TTN: variants seen among roughly 807,000 people sequenced by gnomAD.
The protein encoded by TTN is connectin.
TTN carries 1,525 observed loss-of-function variants against 3,223.0 expected under a neutral mutation model. That is an observed-to-expected ratio of 0.47 (90% CI 0.45 to 0.49). TTN has a LOEUF of 0.49. Among genes scored for constraint, TTN ranks in the 20% least tolerant of loss-of-function variants. The pLI is 0.00. For synonymous variants in TTN, 14,094 were observed against 15,161.0 expected, an observed-to-expected ratio of 0.93 and a Z score of 5.17; for missense variants, 40,786 against 43,424.0, an observed-to-expected ratio of 0.94 and a Z score of 5.40.
At position 178,667,545 on chromosome 2, in the gene TTN, G is replaced by A; in HGVS notation, c.35630-20C>T. 1.3e-6 allele frequency: 2 copies of A among 1,585,580 alleles called. No homozygotes were observed. The highest frequency in any genetic ancestry group is 1.7e-6 in the Non-Finnish European group (2 of 1,173,728). On this transcript the variant is annotated intron_variant, in intron 160 of 362. Coordinates refer to ENST00000589042, the MANE Select transcript of TTN (RefSeq NM_001267550.2). ...CAGGCACTTAAAAGATATGAGTATAGTTATATTTATAAATGGTGAAGAAAA... is the reference window on the plus strand; with the variant it reads ...CAGGCACTTAAAAGATATGAGTATAATTATATTTATAAATGGTGAAGAAAA...
intron 46 of TTN, among the ~76,000 whole-genome samples, chr2:178,755,682 G>A (rs2086731608): frequency 1.3e-5 from 2 of 152,150 alleles, no homozygotes; most frequent in African/African-American, 4.8e-5. Flanking sequence ...GACCTCAAGT[G>A]ATCTGGCTGC....
intron 173 of TTN, 23 bp downstream of exon 173, chr2:178,663,243 A>G: frequency 1.3e-6 from 2 of 1,539,540 alleles, no homozygotes; most frequent in Admixed American, 2.0e-5. Flanking sequence ...TTTCTCCTAT[A>G]GTTTGTATAG....
Position 178,724,823 on chromosome 2 carries a change from C to T in TTN, c.20837-285G>A, listed in dbSNP as rs578196095. The T allele has an allele frequency of 9.4e-4, 260 of 276,988 alleles. 3 individuals carry two copies. Among genetic ancestry groups the T allele is most frequent in the African/African-American group, 4.9e-3 (225 of 45,700 alleles). 17.2% of individuals were successfully genotyped at this position (276,988 alleles called of 1,614,324 possible). On this transcript the variant is annotated intron_variant, in intron 71 of 362. Coordinates refer to ENST00000589042, the MANE Select transcript of TTN (RefSeq NM_001267550.2). ...TTAAGAAATATATGTTCGTGCATGA[C>T]TCAACTTCAAAACAATTTAAACAAT...
At chr2:178,650,389 T>C (rs1197265892) in intron 209 of TTN, 118 bp from the exon 210 acceptor site, 9 of 1,007,628 alleles carry the variant, frequency 8.9e-6, no homozygotes, top group Non-Finnish European at 1.1e-5. Context: ...TGATACCTTC[T>C]CTTATTTTTG....
chr2:178,629,012 A>G (rs2154219245), intron 240 of TTN, among the ~76,000 whole-genome samples: 1 of 152,254 alleles, frequency 6.6e-6, no homozygotes, highest in South Asian at 2.1e-4. Flanking sequence ...CTTCTGGTTA[A>G]TCAAACTATC....
In TTN at chr2:178,542,769, G is replaced by A. The variant is rs773773028; in HGVS notation, c.97085C>T (p.Ala32362Val). The A allele has an allele frequency of 9.9e-6, 16 of 1,613,732 alleles. No homozygotes were observed. In the East Asian group the frequency reaches 3.1e-4, roughly 31 times the overall value. The part of the protein sequence containing the change: ...RVTVETHTKV[A>V]KLTIRETTIR... ...AGTGGTTTCACGGATGGTTAATTTA[G>A]CTACTTTAGTGTGAGTTTCAACTGT... Residue 32362 changes from alanine (A) to valine (V), a missense_variant, in exon 348 of 363, where the codon GCT becomes GTT. Transcript: ENST00000589042.
intron 349 of TTN, chr2:178,541,909 AGCAT>A (rs942083390): frequency 8.4e-6 from 2 of 236,946 alleles, no homozygotes; most frequent in Non-Finnish European, 1.6e-5. Flanking sequence ...ACATTTATTA[AGCAT>A]GCACTCTGTA....
In TTN at chr2:178,636,263, A is replaced by G. The variant is rs1011783574; in HGVS notation, c.41330-22T>C. On this transcript the variant is annotated intron_variant, in intron 225 of 362. Transcript: ENST00000589042. The surrounding 1 kb of genome is among the most constrained non-coding windows in gnomAD (Gnocchi z 4.3). ...AGTTCTATGGAGAATTTCAGTATATATTTCAATAAATACAATATTTTCAAT... is the reference window on the plus strand; with the variant it reads ...AGTTCTATGGAGAATTTCAGTATATGTTTCAATAAATACAATATTTTCAAT... 6.7e-7 allele frequency: 1 copy of G among 1,490,982 alleles called. No homozygotes were observed. Among genetic ancestry groups the G allele is most frequent in the Non-Finnish European group, 8.9e-7 (1 of 1,121,072 alleles). 92.4% of individuals were successfully genotyped at this position (1,490,982 alleles called of 1,614,324 possible).
At chr2:178,749,352 TGGGCTTGC>T (rs1561008477) in intron 47 of TTN, 65 of 1,612,966 alleles carry the variant, frequency 4.0e-5, no homozygotes, top group Non-Finnish European at 5.4e-5. Context: ...TCAGCCCTGA[TGGGCTTGC>T]TGATTTTTAT....
chr2:178,623,411 A>G (rs1213585079), intron 242 of TTN, among the ~76,000 whole-genome samples: 2 of 151,420 alleles, frequency 1.3e-5, no homozygotes, highest in Non-Finnish European at 2.9e-5. Flanking sequence ...GAATTAATTC[A>G]GCTGGTGTAT....
rs761102022 is a variant in TTN at position 178,694,641 on chromosome 2, G to T, written c.31384C>A (p.Pro10462Thr). 5 of 1,559,300 alleles carry T rather than the reference G, an allele frequency of 3.2e-6. No homozygotes were observed. Among genetic ancestry groups the T allele is most frequent in the South Asian group, 1.2e-5 (1 of 84,004 alleles). Residue 10462 changes from proline (P) to threonine (T), a missense_variant, in exon 117 of 363, where the codon CCT becomes ACT. Transcript: ENST00000589042. ...TCTTCCTGTACTGGAGTCCGGGAAG[G>T]TTTTTGTGGAACAATCTTCTTTGAA... is the stretch of plus-strand genomic sequence containing the variant. The part of the protein sequence containing the change: ...EVSKKIVPQK[P>T]SRTPVQEEVI...
At chr2:178,772,243 T>C (rs1465798633) in intron 33 of TTN, among the ~76,000 whole-genome samples, 1 of 152,212 alleles carries the variant, frequency 6.6e-6, no homozygotes, top group Non-Finnish European at 1.5e-5. Context: ...GTTTTACAAG[T>C]CTTTTCATGG....
At chr2:178,775,225 A>T in intron 28 of TTN, 23 bp from the exon 29 acceptor site, 1 of 1,613,638 alleles carries the variant, frequency 6.2e-7, no homozygotes, top group Non-Finnish European at 8.5e-7. Context: ...GGTGGGGGAA[A>T]AAGGGGAGAG....
Position 178,767,855 on chromosome 2 carries a change from C to G in TTN, c.9375G>C (p.Gly3125=), listed in dbSNP as rs1285257959. 6.2e-7 allele frequency: 1 copy of G among 1,614,014 alleles called. No individual in the cohort carries two copies. Among genetic ancestry groups the G allele is most frequent in the East Asian group, 2.2e-5 (1 of 44,878 alleles). Reference sequence around the variant, plus strand: ...TGCCTCCTGCCACCACTGTGTACTTCCCAGCATCAGACATCCGGGTGGATG... The same window carrying G: ...TGCCTCCTGCCACCACTGTGTACTTGCCAGCATCAGACATCCGGGTGGATG... The part of the protein sequence containing the change: ...LIPSTRMSDA[G]KYTVVAGGNV... The change falls in exon 40 of 363, where the codon GGG becomes GGC. Residue 3125 remains glycine (G), a synonymous_variant. Transcript: ENST00000589042.
chr2:178,611,246 A>C lies in TTN; in HGVS notation c.50883T>G (p.Thr16961=). 6.2e-7 allele frequency: 1 copy of C among 1,612,420 alleles called. No individual in the cohort carries two copies. The highest frequency in any genetic ancestry group is 8.5e-7 in the Non-Finnish European group (1 of 1,179,180). Reference sequence around the variant, plus strand: ...CACCTTCAATAACAATAATGTCATGAGTCTCCAGGTCAATTGTTGGCTTGC... The same window carrying C: ...CACCTTCAATAACAATAATGTCATGCGTCTCCAGGTCAATTGTTGGCTTGC... ...PDCKPTIDLE[T]HDIIVIEGEK... Residue 16961 remains threonine (T), a synonymous_variant, in exon 270 of 363, where the codon ACT becomes ACG. Coordinates refer to ENST00000589042, the MANE Select transcript of TTN (RefSeq NM_001267550.2).
chr2:178,715,878 G>A, intron 88 of TTN, 104 bp from the exon 89 acceptor site: 1 of 1,172,364 alleles, frequency 8.5e-7, no homozygotes, highest in Non-Finnish European at 1.2e-6. Flanking sequence ...CTTTAGCTCT[G>A]GAAAACAAAT....
chr2:178,764,269 G>A lies in TTN; in HGVS notation c.10022C>T (p.Pro3341Leu), dbSNP rs929811855. The A allele has an allele frequency of 5.0e-6, 8 of 1,613,894 alleles. No individual in the cohort carries two copies. The highest frequency in any genetic ancestry group is 3.3e-5 in the Admixed American group (2 of 59,974). Reference protein sequence around the residue: ...PEVVSPDQEMPVYPPAIITPL... With the variant: ...PEVVSPDQEMLVYPPAIITPL... ...GGTGATGATGGCAGGTGGATAAACAGGCATTTCCTGATCAGGAGACACAAC... is the reference window on the plus strand; with the variant it reads ...GGTGATGATGGCAGGTGGATAAACAAGCATTTCCTGATCAGGAGACACAAC... The change falls in exon 43 of 363, where the codon CCT (proline) becomes CTT (leucine). Residue 3341 changes from proline (P) to leucine (L), a missense_variant. Pro to Leu is a moderately conservative substitution (Grantham distance 98). Coordinates refer to ENST00000589042, the MANE Select transcript of TTN (RefSeq NM_001267550.2).
Position 178,571,719 on chromosome 2 carries a change from C to T in TTN, c.74413G>A (p.Val24805Ile), listed in dbSNP as rs371306826. Residue 24805 changes from valine to isoleucine, a missense_variant, in exon 326 of 363, where the codon GTT (valine) becomes ATT (isoleucine). Val to Ile is a conservative substitution (Grantham distance 29). Transcript: ENST00000589042. Reference sequence around the variant, plus strand: ...GTTGGAGGCCCTGGTTTGTCAAGAACGATAACATTAAGGGTTTCAATAGCT... The same window carrying T: ...GTTGGAGGCCCTGGTTTGTCAAGAATGATAACATTAAGGGTTTCAATAGCT... ...GEAIETLNVI[V>I]LDKPGPPTGP... 2.9e-5 allele frequency: 47 copies of T among 1,613,284 alleles called. No homozygotes were observed. The highest frequency in any genetic ancestry group is 9.9e-5 in the South Asian group (9 of 91,058).
Position 178,637,410 on chromosome 2 carries a change from G to T in TTN, c.40886C>A (p.Ala13629Glu). 6.8e-7 allele frequency: 1 copy of T among 1,474,408 alleles called. No homozygotes were observed. Among genetic ancestry groups the T allele is most frequent in the South Asian group, 1.5e-5 (1 of 65,004 alleles). The allele number at this position is 1,474,408 out of a possible 1,614,324, so 91.3% of individuals were successfully genotyped here. A position where few individuals can be genotyped will look rare whatever the true frequency, so the allele number is the denominator to read the frequency against. ...PVVGKKAEAK[A>E]PKEEAAKPKG... ...TGGCTTGGCAGCCTCTTCCTTAGGT[G>T]CTTTGGCTTCTGAAATAAAAATAAA... Residue 13629 changes from alanine (A) to glutamate (E), a missense_variant, in exon 224 of 363, where the codon GCA (alanine) becomes GAA (glutamate). Physicochemically the swap from Ala to Glu is moderately radical, Grantham distance 107. Coordinates refer to ENST00000589042, the MANE Select transcript of TTN (RefSeq NM_001267550.2).
Sources: gnomAD v4.1 joint callset for allele counts (sites outside exome capture counted in the v4.1 genomes callset) on GRCh38, gnomAD v4.1.1 for gene constraint, Gnocchi (gnomAD v3.1) non-coding constraint, MANE v1.5 for transcripts, NCBI Gene and HGNC (gene_info 2026-07-23, HGNC 2026-07-21) for gene names.